TET3: variants seen among roughly 807,000 people sequenced by gnomAD.
TET3 encodes the protein tet methylcytosine dioxygenase 3.
TET3 carries 19 observed loss-of-function variants against 141.4 expected under a neutral mutation model. The observed-to-expected ratio is 0.13, with a 90% CI of 0.09 to 0.20. TET3 has a LOEUF of 0.20. TET3 is among the 10% of genes least tolerant of loss of function. The pLI, the probability that TET3 is intolerant of heterozygous loss-of-function variation, is 1.00. For synonymous variants in TET3, 1,043 were observed against 980.9 expected (o/e 1.06, Z -1.18); for missense variants, 1,874 against 2,356.9 (o/e 0.80, Z 4.24).
At chr2:74,130,303 G>T in the TET3 span, among the ~76,000 whole-genome samples, 1 of 152,164 alleles carries the variant, frequency 6.6e-6, no homozygotes, top group Non-Finnish European at 1.5e-5. Context: ...ACAGCCACAG[G>T]GTATCTTACC....
intron 7 of TET3, among the ~76,000 whole-genome samples, chr2:74,088,396 A>G (rs1290930134): frequency 6.6e-6 from 1 of 152,142 alleles, no homozygotes; most frequent in Non-Finnish European, 1.5e-5. Context: ...TAATCCCAGC[A>G]CTTTGGGAGG....
chr2:74,082,530 C>A (rs1689888977), intron 6 of TET3, among the ~76,000 whole-genome samples: 2 of 151,500 alleles, frequency 1.3e-5, no homozygotes, highest in South Asian at 4.1e-4. Flanking sequence ...GGTGGGACTT[C>A]CCATGTCTTA....
chr2:74,017,961 C>CTTTTTTT (rs35319685), intron 3 of TET3, among the ~76,000 whole-genome samples: 3 of 97,214 alleles, frequency 3.1e-5, no homozygotes, highest in South Asian at 3.1e-4. Context: ...TCTTCTGTCT[C>CTTTTTTT]TTTTTTTTTT....
chr2:74,099,987 C>T (rs904814561), intron 11 of TET3, among the ~76,000 whole-genome samples: 6 of 152,166 alleles, frequency 3.9e-5, no homozygotes, highest in Non-Finnish European at 7.4e-5. Context: ...TGGGCGGAGA[C>T]GGTTGCTGGC....
Position 74,024,675 on chromosome 2 carries a change from C to T in TET3, c.360+21509C>T, listed in dbSNP as rs533361575. 5.3e-5 allele frequency among the ~76,000 whole-genome samples: 8 copies of T among 152,234 alleles called. No homozygotes were observed. In the South Asian group the frequency reaches 1.2e-3, roughly 24 times the overall value. ...ATTTGTCAGTGACTGCTTGTTTCAC[C>T]GTTTCCTGTTCCTCGTTGTAAGATT... On this transcript the variant is annotated intron_variant, in intron 3 of 11. Transcript: ENST00000409262.
chr2:74,101,521 C>T lies in TET3; in HGVS notation c.4733C>T (p.Ala1578Val). Residue 1578 changes from alanine to valine, a missense_variant, in exon 12 of 12, where the codon GCC becomes GTC. Around this residue, in one of 10 missense-constraint regions of TET3, gnomAD observed 602 missense variants for 590.2 expected, o/e 1.02. Coordinates refer to ENST00000409262, the MANE Select transcript of TET3 (RefSeq NM_001287491.2). The surrounding 1 kb of genome is among the most constrained non-coding windows in gnomAD (Gnocchi z 8.5). ...GCAGGGGCCAGCCAGCTGGACAGGG[C>T]CTGGCAGTCCTTTGGTCTGCCCCTG... ...PAAGASQLDR[A>V]WQSFGLPLGS... The T allele has an allele frequency of 1.2e-6, 2 of 1,611,678 alleles. No homozygotes were observed. Among genetic ancestry groups the T allele is most frequent in the African/African-American group, 1.3e-5 (1 of 74,990 alleles).
At chr2:74,008,789 T>C (rs1325083844) in intron 3 of TET3, among the ~76,000 whole-genome samples, 1 of 152,134 alleles carries the variant, frequency 6.6e-6, no homozygotes, top group Non-Finnish European at 1.5e-5. Flanking sequence ...AACAGTATCT[T>C]GCCACAGAAA....
At chr2:74,003,823 G>A (rs1685003708) in intron 3 of TET3, among the ~76,000 whole-genome samples, 1 of 149,742 alleles carries the variant, frequency 6.7e-6, no homozygotes, top group South Asian at 2.1e-4. Context: ...CAGAGAAGGG[G>A]GCACTGAGCT....
rs1163574565 is a variant in TET3 at position 74,046,991 on chromosome 2, T to A, written c.1074T>A (p.Ile358=). 1 of 1,613,954 alleles carries A rather than the reference T, an allele frequency of 6.2e-7. No individual in the cohort carries two copies. The highest frequency in any genetic ancestry group is 1.1e-5 in the South Asian group (1 of 91,078). The change falls in exon 4 of 12, where the codon ATT becomes ATA. Residue 358 remains isoleucine, a synonymous_variant. Transcript: ENST00000409262. The surrounding 1 kb of genome is among the most constrained non-coding windows in gnomAD (Gnocchi z 4.3). Reference sequence around the variant, plus strand: ...AAAACATCAGCTTGCAGACCGCCATTGCCATTGAGGCCCTCACACAGCTCT... The same window carrying A: ...AAAACATCAGCTTGCAGACCGCCATAGCCATTGAGGCCCTCACACAGCTCT... ...KEKNISLQTA[I]AIEALTQLSS...
At chr2:74,116,908 G>C in the TET3 span, among the ~76,000 whole-genome samples, 2 of 152,068 alleles carry the variant, frequency 1.3e-5, no homozygotes, top group African/African-American at 4.8e-5. Context: ...CTCCAGGGAG[G>C]GAGAAGGGGA....
intron 4 of TET3, among the ~76,000 whole-genome samples, chr2:74,065,692 T>A (rs1387058079): frequency 6.6e-6 from 1 of 151,468 alleles, no homozygotes; most frequent in Non-Finnish European, 1.5e-5. Flanking sequence ...TCTTTTCTTC[T>A]TTCTTTTTCT....
chr2:74,004,689 G>A (rs1241566970), intron 3 of TET3, among the ~76,000 whole-genome samples: 1 of 152,140 alleles, frequency 6.6e-6, no homozygotes, highest in Non-Finnish European at 1.5e-5. Context: ...GTGACAGAGG[G>A]CAGTTGATAC....
In TET3 at chr2:74,046,194, C is replaced by T. The variant is rs1687607742; in HGVS notation, c.361-84C>T. 1 of 1,288,842 alleles carries T rather than the reference C, an allele frequency of 7.8e-7. No homozygotes were observed. The highest frequency in any genetic ancestry group is 3.4e-5 in the Admixed American group (1 of 29,768). The allele number at this position is 1,288,842 out of a possible 1,614,324, so 79.8% of individuals were successfully genotyped here. ...GCAAGAAAAGTTGGGGTCAGATGTG[C>T]ACCTGAGTGGTATGAAGCAGGGAAA... On this transcript the variant is annotated intron_variant, in intron 3 of 11. Transcript: ENST00000409262. The surrounding 1 kb of genome is among the most constrained non-coding windows in gnomAD (Gnocchi z 4.3).
intron 3 of TET3, among the ~76,000 whole-genome samples, chr2:74,005,083 T>A (rs1685082588): frequency 6.6e-6 from 1 of 152,192 alleles, no homozygotes; most frequent in Non-Finnish European, 1.5e-5. Context: ...CCCCTTCCGC[T>A]GTAGTGATGG....
chr2:74,002,934 T>A (rs1573658484), intron 2 of TET3, 176 bp from the exon 3 acceptor site: 2 of 643,396 alleles, frequency 3.1e-6, no homozygotes, highest in East Asian at 2.8e-5. Flanking sequence ...CTGTCTGCCG[T>A]GATCCAGGCG....
At chr2:74,059,648 G>T (rs1047549265) in intron 4 of TET3, among the ~76,000 whole-genome samples, 2 of 152,076 alleles carry the variant, frequency 1.3e-5, no homozygotes, top group Non-Finnish European at 2.9e-5. Flanking sequence ...GAACTCCTTG[G>T]CTCAAGTGAT....
chr2:74,095,478 A>G (rs530983379), intron 10 of TET3, among the ~76,000 whole-genome samples: 6 of 152,328 alleles, frequency 3.9e-5, no homozygotes, highest in African/African-American at 9.6e-5. Context: ...TTTTTTCCTA[A>G]ACAAGACTCA....
chr2:74,079,208 G>A (rs949840269), intron 5 of TET3, among the ~76,000 whole-genome samples: 18 of 152,152 alleles, frequency 1.2e-4, no homozygotes, highest in African/African-American at 3.6e-4. Context: ...TTAGCTGGGC[G>A]TGGTGGCAGG....
chr2:74,121,727 G>T, the TET3 span: 1 of 152,260 alleles, frequency 6.6e-6, no homozygotes, highest in Non-Finnish European at 1.5e-5. Context: ...GGGCACAGTG[G>T]TTCACACCAG....
Sources: gnomAD v4.1 joint callset for allele counts (sites outside exome capture counted in the v4.1 genomes callset) on GRCh38, gnomAD v4.1.1 for gene constraint, gnomAD v4.1.1 regional missense constraint, Gnocchi (gnomAD v3.1) non-coding constraint, MANE v1.5 for transcripts, NCBI Gene and HGNC (gene_info 2026-07-23, HGNC 2026-07-21) for gene names.